CYP4F12: variants seen among roughly 807,000 people sequenced by gnomAD.
The protein encoded by CYP4F12 is cytochrome P450 4F12.
In CYP4F12, 60 loss-of-function variants were observed where a neutral mutation model predicts 56.5. The ratio of observed to expected loss-of-function variants is 1.06; its 90% confidence interval spans 0.86 to 1.32. The LOEUF is 1.32. Among genes scored for constraint, CYP4F12 ranks in the 40% most tolerant of loss-of-function variants. CYP4F12 has a pLI of 0.00. For synonymous variants in CYP4F12, 263 were observed against 264.9 expected (o/e 0.99, Z 0.07); for missense variants, 711 against 683.5 (o/e 1.04, Z -0.45).
At chr19:15,691,965 T>G (rs1465902440) in intron 9 of CYP4F12, among the ~76,000 whole-genome samples, 3 of 152,156 alleles carry the variant, frequency 2.0e-5, no homozygotes, top group Admixed American at 6.5e-5. Flanking sequence ...TCTTTTCTTT[T>G]TTCTTTTTTT....
intron 2 of CYP4F12, among the ~76,000 whole-genome samples, chr19:15,677,264 TG>T: frequency 2.6e-5 from 2 of 78,132 alleles, no homozygotes; most frequent in Non-Finnish European, 5.2e-5. Flanking sequence ...CTCATTCCTC[TG>T]CTCACTTAGT....
At chr19:15,690,357 C>G (rs1449779685) in intron 9 of CYP4F12, among the ~76,000 whole-genome samples, 1 of 152,042 alleles carries the variant, frequency 6.6e-6, no homozygotes, top group Admixed American at 6.5e-5. Context: ...TTGAAATTTG[C>G]TCTCTTAGCA....
At position 15,683,515 on chromosome 19, in the gene CYP4F12, A is replaced by G; in HGVS notation, c.670A>G (p.Thr224Ala). The G allele has an allele frequency of 6.2e-7, 1 of 1,605,720 alleles. No homozygotes were observed. Among genetic ancestry groups the G allele is most frequent in the Non-Finnish European group, 8.5e-7 (1 of 1,176,550 alleles). ...CQERPSEYIA[T>A]ILELSALVEK... is the part of the protein sequence containing the mutation. ...CAGGAGGCCCAGTGAATATATTGCC[A>G]CCATCTTGGAGCTCAGTGCCCTTGT... The change falls in exon 7 of 13, where the codon ACC becomes GCC. Residue 224 changes from threonine (T) to alanine (A), a missense_variant. Thr to Ala is a moderately conservative substitution (Grantham distance 58, BLOSUM62 0). Coordinates refer to ENST00000550308, the MANE Select transcript of CYP4F12 (RefSeq NM_023944.4).
intron 2 of CYP4F12, among the ~76,000 whole-genome samples, chr19:15,677,091 CCTCACTCACTCATTCCTCTG>C (rs2006984477): frequency 1.8e-5 from 2 of 113,512 alleles, no homozygotes; most frequent in Non-Finnish European, 3.9e-5. Context: ...TCATTCCTCT[CCTCACTCACTCATTCCTCTG>C]CTCACTCACT....
At chr19:15,693,888 G>T (rs1600008561) in intron 9 of CYP4F12, among the ~76,000 whole-genome samples, 1 of 137,190 alleles carries the variant, frequency 7.3e-6, no homozygotes. Flanking sequence ...AAGGGATCTA[G>T]TTTCAGCTTT....
At chr19:15,693,463 G>A (rs1054557724) in intron 9 of CYP4F12, among the ~76,000 whole-genome samples, 10 of 152,084 alleles carry the variant, frequency 6.6e-5, no homozygotes, top group African/African-American at 2.2e-4. Context: ...CCTGACTCTC[G>A]TGTTTTTTTG....
In CYP4F12 at chr19:15,673,516, C is replaced by T; in HGVS notation, c.-1-13C>T. 1.2e-6 allele frequency: 2 copies of T among 1,612,146 alleles called. No homozygotes were observed. The highest frequency in any genetic ancestry group is 1.7e-6 in the Non-Finnish European group (2 of 1,179,602). ...GCCTCAGGTCCTCACCCTGCATCCC[C>T]TCTGCCCTGCAGGATGTCGCTGCTG... On this transcript the variant is annotated splice_polypyrimidine_tract_variant and intron_variant, in intron 1 of 12. Transcript: ENST00000550308.
At chr19:15,696,118 C>T in intron 10 of CYP4F12, 43 bp from the exon 11 acceptor site, 2 of 1,611,464 alleles carry the variant, frequency 1.2e-6, no homozygotes, top group South Asian at 1.1e-5. Context: ...AAGATGGTTC[C>T]CTCAGGGGAT....
Position 15,684,899 on chromosome 19 carries a change from G to T in CYP4F12, c.985+17G>T, listed in dbSNP as rs376766491. 12 of 1,594,892 alleles carry T rather than the reference G, an allele frequency of 7.5e-6. No individual in the cohort carries two copies. The highest frequency in any genetic ancestry group is 9.4e-6 in the Non-Finnish European group (11 of 1,169,914). ...TGTTTGGAGGTGAGGGTCCCAGTGT[G>T]GGACTACAGTGGAGACAGAGGTCCC... is the stretch of plus-strand genomic sequence containing the variant. On this transcript the variant is annotated intron_variant, in intron 8 of 12. Transcript: ENST00000550308.
At position 15,673,100 on chromosome 19, in the gene CYP4F12, A is replaced by G. The variant is rs1285195227; in HGVS notation, c.-37A>G. The G allele has an allele frequency of 5.2e-6, 2 of 381,498 alleles. No homozygotes were observed. The highest frequency in any genetic ancestry group is 2.1e-5 in the African/African-American group (1 of 46,848). The allele number at this position is 381,498 out of a possible 1,614,324, so 23.6% of individuals were successfully genotyped here. A position where few individuals can be genotyped will look rare whatever the true frequency, so the allele number is the denominator to read the frequency against. Reference sequence around the variant, plus strand: ...CAAAGACCTCCCAGCAGAAGAGGAGAAGAGGTTGTGTGGGACAAGCTGCTC... The same window carrying G: ...CAAAGACCTCCCAGCAGAAGAGGAGGAGAGGTTGTGTGGGACAAGCTGCTC... On this transcript the variant is annotated 5_prime_UTR_variant, in exon 1 of 13. Transcript: ENST00000550308.
At chr19:15,674,103 T>C (rs375958639) in intron 2 of CYP4F12, among the ~76,000 whole-genome samples, 42 of 1,240 alleles carry the variant, frequency 0.034, no homozygotes, top group Admixed American at 0.081. Flanking sequence ...ACTCACTCCT[T>C]TCCTCACTCA....
intron 2 of CYP4F12, 65 bp downstream of exon 2, chr19:15,673,792 G>T: frequency 6.3e-7 from 1 of 1,578,080 alleles, no homozygotes. Flanking sequence ...GAGCAGGAAT[G>T]GGGCTCAGTG....
Position 15,697,006 on chromosome 19 carries a change from G to T in CYP4F12, c.1496G>T (p.Arg499Leu), listed in dbSNP as rs200958722. 2.3e-5 allele frequency: 37 copies of T among 1,614,242 alleles called. No homozygotes were observed. The highest frequency in any genetic ancestry group is 3.1e-5 in the Non-Finnish European group (37 of 1,180,028). ...TTCCTGCCAGACCACACTGAGCCCC[G>T]CAGGAAGCTGGAATTGATCATGCGC... is the stretch of plus-strand genomic sequence containing the variant. ...FRFLPDHTEP[R>L]RKLELIMRAE... The change falls in exon 13 of 13, where the codon CGC becomes CTC. Residue 499 changes from arginine to leucine, a missense_variant. By Grantham distance (102) the Arg-to-Leu change is moderately radical. Coordinates refer to ENST00000550308, the MANE Select transcript of CYP4F12 (RefSeq NM_023944.4).
chr19:15,680,322 T>C (rs2074568), intron 4 of CYP4F12, 25 bp downstream of exon 4: 3 of 1,612,890 alleles, frequency 1.9e-6, no homozygotes, highest in Non-Finnish European at 1.7e-6. Context: ...GTGAAAGGGG[T>C]TGGGGACAAC....
At chr19:15,673,186 G>A in intron 1 of CYP4F12, 51 bp downstream of exon 1, 1 of 486,450 alleles carries the variant, frequency 2.1e-6, no homozygotes, top group South Asian at 1.5e-5. Context: ...GGGATGAAGA[G>A]GGGACTGCCT....
At chr19:15,693,285 T>TG (rs2007961616) in intron 9 of CYP4F12, among the ~76,000 whole-genome samples, 1 of 152,200 alleles carries the variant, frequency 6.6e-6, no homozygotes, top group African/African-American at 2.4e-5. Context: ...GTAGACGGTA[T>TG]GAAAATTTTA....
intron 9 of CYP4F12, among the ~76,000 whole-genome samples, chr19:15,687,371 G>C (rs2007666883): frequency 6.6e-6 from 1 of 152,034 alleles, no homozygotes; most frequent in Non-Finnish European, 1.5e-5. Flanking sequence ...TGGCTATCTT[G>C]ATGCCCACTT....
At chr19:15,689,149 C>G (rs546277341) in intron 9 of CYP4F12, among the ~76,000 whole-genome samples, 1 of 83,946 alleles carries the variant, frequency 1.2e-5, no homozygotes, top group Non-Finnish European at 2.5e-5. Context: ...TAATAATAGC[C>G]GACTTAACAG....
chr19:15,684,840 G>C lies in CYP4F12; in HGVS notation c.943G>C (p.Asp315His). The change falls in exon 8 of 13, where the codon GAT (aspartate) becomes CAT (histidine). Residue 315 changes from aspartate to histidine, a missense_variant. Coordinates refer to ENST00000550308, the MANE Select transcript of CYP4F12 (RefSeq NM_023944.4). The part of the protein sequence containing the change: ...SKDEDGKALS[D>H]EDIRAEADTF... The stretch of plus-strand genomic sequence containing the variant: ...GGATGAAGATGGGAAGGCATTGTCA[G>C]ATGAGGATATAAGAGCAGAGGCTGA... The C allele has an allele frequency of 6.2e-7, 1 of 1,610,334 alleles. No individual in the cohort carries two copies. The highest frequency in any genetic ancestry group is 8.5e-7 in the Non-Finnish European group (1 of 1,178,490).
Sources: allele counts gnomAD v4.1 joint callset (sites outside exome capture counted in the v4.1 genomes callset), GRCh38; gene constraint gnomAD v4.1.1; transcripts MANE v1.5; gene names NCBI Gene and HGNC (gene_info 2026-07-23, HGNC 2026-07-21).